Variants in EEFSEC observed in about 807,000 individuals in gnomAD.
EEFSEC encodes the protein eukaryotic elongation factor, selenocysteine-tRNA specific.
EEFSEC carries 43 observed loss-of-function variants against 42.1 expected under a neutral mutation model. The observed-to-expected ratio is 1.02, with a 90% CI of 0.80 to 1.32. The LOEUF (loss-of-function observed/expected upper bound fraction) is 1.32. EEFSEC is among the 40% of genes most tolerant of loss of function. The pLI, the probability that EEFSEC is intolerant of heterozygous loss-of-function variation, is 0.00. For missense variants in EEFSEC, 745 were observed against 803.6 expected (o/e 0.93, Z 0.88); for synonymous variants, 354 against 339.1 (o/e 1.04, Z -0.48).
intron 1 of EEFSEC, among the ~76,000 whole-genome samples, chr3:128,210,491 C>G (rs1559869888): frequency 6.6e-6 from 1 of 152,334 alleles, no homozygotes; most frequent in Middle Eastern, 3.4e-3. Context: ...CATCTAGGAT[C>G]TTGGTTTCCT....
At chr3:128,378,158 C>A (rs907519599) in intron 6 of EEFSEC, among the ~76,000 whole-genome samples, 4 of 152,128 alleles carry the variant, frequency 2.6e-5, no homozygotes, top group Non-Finnish European at 5.9e-5. Flanking sequence ...TACTCGTCAC[C>A]CCAACCCTGT....
intron 6 of EEFSEC, among the ~76,000 whole-genome samples, chr3:128,395,568 ACTAG>A (rs1049662364): frequency 3.9e-5 from 6 of 152,160 alleles, no homozygotes; most frequent in African/African-American, 1.4e-4. Flanking sequence ...AGAGGAGAAA[ACTAG>A]CTCTGCATTT....
At chr3:128,381,017 A>G (rs1291569205) in intron 6 of EEFSEC, among the ~76,000 whole-genome samples, 2 of 152,214 alleles carry the variant, frequency 1.3e-5, no homozygotes, top group Non-Finnish European at 2.9e-5. Flanking sequence ...CCTAGGATCA[A>G]CCCAGAATAT....
At chr3:128,416,346 C>A in the EEFSEC span, among the ~76,000 whole-genome samples, 1 of 152,162 alleles carries the variant, frequency 6.6e-6, no homozygotes, top group Non-Finnish European at 1.5e-5. Context: ...GACCTCCCCA[C>A]AGCGGCCCTG....
At chr3:128,305,219 T>C (rs547605793) in intron 4 of EEFSEC, among the ~76,000 whole-genome samples, 18 of 152,346 alleles carry the variant, frequency 1.2e-4, no homozygotes, top group African/African-American at 4.3e-4. Flanking sequence ...TATGCTGTTA[T>C]ATTAATATGT....
At position 128,408,439 on chromosome 3, in the gene EEFSEC, G is replaced by A. The variant is rs2068148448; in HGVS notation, c.*180G>A. 6.5e-6 allele frequency: 4 copies of A among 617,008 alleles called. No homozygotes were observed. The East Asian group carries it at 1.3e-4, about 20-fold the overall frequency. 38.2% of individuals were successfully genotyped at this position (617,008 alleles called of 1,614,324 possible). ...GAGCTGAGGGGGATGGGTTGCTGGG[G>A]CCAGGAGGGTCTCTCCTCCAGCCCC... On this transcript the variant is annotated 3_prime_UTR_variant, in exon 7 of 7. Coordinates refer to ENST00000254730, the MANE Select transcript of EEFSEC (RefSeq NM_021937.5).
chr3:128,341,454 C>T lies in EEFSEC; in HGVS notation c.1008C>T (p.His336=). 6.2e-7 allele frequency: 1 copy of T among 1,614,202 alleles called. No individual in the cohort carries two copies. Among genetic ancestry groups the T allele is most frequent in the Non-Finnish European group, 8.5e-7 (1 of 1,180,042 alleles). The change falls in exon 5 of 7, where the codon CAC becomes CAT. Residue 336 remains histidine (H), a synonymous_variant. Coordinates refer to ENST00000254730, the MANE Select transcript of EEFSEC (RefSeq NM_021937.5). Reference sequence around the variant, plus strand: ...CCCTGCAAACCAAGGCCAAGTTCCACATTACAGTGGGCCATGAAACAGTCA... The same window carrying T: ...CCCTGCAAACCAAGGCCAAGTTCCATATTACAGTGGGCCATGAAACAGTCA... ...RGPLQTKAKF[H]ITVGHETVMG...
intron 2 of EEFSEC, among the ~76,000 whole-genome samples, chr3:128,257,865 A>G (rs567536325): frequency 6.6e-6 from 1 of 152,282 alleles, no homozygotes; most frequent in South Asian, 2.1e-4. Context: ...TTGGCATGCT[A>G]GGAGCCAGGA....
chr3:128,158,557 C>A (rs1267345963), intron 1 of EEFSEC, among the ~76,000 whole-genome samples: 8 of 152,342 alleles, frequency 5.3e-5, no homozygotes, highest in African/African-American at 1.9e-4. Flanking sequence ...GCAAGACCCT[C>A]CACCAGCAAA....
chr3:128,396,499 C>T (rs937197977), intron 6 of EEFSEC, among the ~76,000 whole-genome samples: 1 of 152,222 alleles, frequency 6.6e-6, no homozygotes, highest in African/African-American at 2.4e-5. Flanking sequence ...GTGCCAGGCA[C>T]TGGGACACAC....
rs868679266 is a variant in EEFSEC at position 128,392,015 on chromosome 3, G to A, written c.1601-16054G>A. The stretch of plus-strand genomic sequence containing the variant: ...TGGCTTCCCTGGGTCCTGTCTTTGC[G>A]GAGAGCATGGTGATCCTTTGCTCCT... On this transcript the variant is annotated intron_variant, in intron 6 of 6. Coordinates refer to ENST00000254730, the MANE Select transcript of EEFSEC (RefSeq NM_021937.5). 4.6e-5 allele frequency among the ~76,000 whole-genome samples: 7 copies of A among 152,296 alleles called. 1 individual carries two copies. The Middle Eastern group carries it at 0.014, about 296-fold the overall frequency.
downstream of EEFSEC, among the ~76,000 whole-genome samples, chr3:128,412,757 G>A (rs916263837): frequency 1.3e-5 from 2 of 152,202 alleles, no homozygotes; most frequent in African/African-American, 4.8e-5. Flanking sequence ...CTGCTCAGCC[G>A]GCACCAGGCT....
At chr3:128,414,440 C>T in the EEFSEC span, among the ~76,000 whole-genome samples, 9 of 152,182 alleles carry the variant, frequency 5.9e-5, no homozygotes, top group Non-Finnish European at 1.3e-4. Flanking sequence ...AAGGGGGGAG[C>T]GGAGCCAGGC....
intron 6 of EEFSEC, among the ~76,000 whole-genome samples, chr3:128,403,703 G>A (rs2068075247): frequency 1.5e-5 from 2 of 135,306 alleles, no homozygotes. Flanking sequence ...CATACCCTAG[G>A]AATTGTCACT....
At chr3:128,166,124 A>G (rs1238081151) in intron 1 of EEFSEC, among the ~76,000 whole-genome samples, 1 of 152,232 alleles carries the variant, frequency 6.6e-6, no homozygotes, top group Non-Finnish European at 1.5e-5. Flanking sequence ...GAAGGACTCC[A>G]TTTCTTCGGC....
intron 4 of EEFSEC, among the ~76,000 whole-genome samples, chr3:128,276,859 G>C (rs2066473638): frequency 6.6e-6 from 1 of 152,220 alleles, no homozygotes; most frequent in Non-Finnish European, 1.5e-5. Context: ...TCAGAGGCCT[G>C]GGAGAAGAGT....
intron 3 of EEFSEC, among the ~76,000 whole-genome samples, chr3:128,264,352 C>T (rs1319344130): frequency 3.3e-5 from 5 of 152,188 alleles, no homozygotes; most frequent in South Asian, 2.1e-4. Context: ...AGCAGTCCCA[C>T]GGGAGAAGAC....
the EEFSEC span, among the ~76,000 whole-genome samples, chr3:128,419,488 T>C: frequency 2.0e-4 from 30 of 152,162 alleles, no homozygotes; most frequent in Non-Finnish European, 4.0e-4. Flanking sequence ...CAGGCATGGA[T>C]ATTTAACTAC....
At chr3:128,368,412 G>A (rs1394602769) in intron 6 of EEFSEC, among the ~76,000 whole-genome samples, 2 of 151,106 alleles carry the variant, frequency 1.3e-5, no homozygotes, top group Non-Finnish European at 2.9e-5. Flanking sequence ...TCCAGCCTGG[G>A]TGACAGAGCG....
Sources: gnomAD v4.1 joint callset for allele counts (sites outside exome capture counted in the v4.1 genomes callset) on GRCh38, gnomAD v4.1.1 for gene constraint, MANE v1.5 for transcripts, NCBI Gene and HGNC (gene_info 2026-07-23, HGNC 2026-07-21) for gene names.